SDHAF4: variants seen among roughly 807,000 people sequenced by gnomAD.
The protein encoded by SDHAF4 is succinate dehydrogenase assembly factor 4, mitochondrial.
A neutral mutation model predicts 14.3 loss-of-function variants in SDHAF4; 14 were observed. The ratio of observed to expected loss-of-function variants is 0.98; its 90% CI spans 0.65 to 1.53. The LOEUF (loss-of-function observed/expected upper bound fraction) is 1.53, where lower values mean the gene tolerates loss of function less well. Ranked by LOEUF, SDHAF4 falls within the 40% of genes most tolerant of loss-of-function variation. SDHAF4 has a pLI of 0.00. For missense variants in SDHAF4, 141 were observed against 129.3 expected, an observed-to-expected ratio of 1.09 and a Z score of -0.44; for synonymous variants, 63 against 47.3, an observed-to-expected ratio of 1.33 and a Z score of -1.36.
At position 70,572,635 on chromosome 6, in the gene SDHAF4, T is replaced by C. The variant is rs557725049; in HGVS notation, c.64+5631T>C. Among the ~76,000 whole-genome samples the C allele has an allele frequency of 7.9e-5, 12 of 152,244 alleles. No individual in the cohort carries two copies. In the East Asian group the frequency reaches 2.3e-3, roughly 29 times the overall value. On this transcript the variant is annotated intron_variant, in intron 1 of 2. Coordinates refer to ENST00000370474, the MANE Select transcript of SDHAF4 (RefSeq NM_145267.3). ...TCATTTTTTTCTTATTATCTTATTTTTCCATTTTCCGTGGTTTTTTTTTTA... is the reference window on the plus strand; with the variant it reads ...TCATTTTTTTCTTATTATCTTATTTCTCCATTTTCCGTGGTTTTTTTTTTA...
chr6:70,597,086 A>T, the SDHAF4 span: 7 of 152,218 alleles, frequency 4.6e-5, no homozygotes, highest in African/African-American at 1.7e-4. Flanking sequence ...ATCAGTGGTG[A>T]TTGCCTACTA....
chr6:70,587,654 C>T (rs565726023), intron 2 of SDHAF4, among the ~76,000 whole-genome samples: 11 of 152,272 alleles, frequency 7.2e-5, no homozygotes, highest in South Asian at 2.1e-4. Flanking sequence ...CTATGTGATA[C>T]GGAGCAACTT....
chr6:70,575,252 C>G (rs762106598), intron 1 of SDHAF4, among the ~76,000 whole-genome samples: 2 of 152,038 alleles, frequency 1.3e-5, no homozygotes, highest in Non-Finnish European at 2.9e-5. Context: ...TTGGTGGGTG[C>G]CTGTAATCCC....
Position 70,575,498 on chromosome 6 carries a change from C to T in SDHAF4, c.65-3916C>T, listed in dbSNP as rs1354237367. Among the ~76,000 whole-genome samples the T allele has an allele frequency of 2.0e-5, 3 of 147,126 alleles. No homozygotes were observed. In the East Asian group the frequency reaches 5.9e-4, roughly 29 times the overall value. On this transcript the variant is annotated intron_variant, in intron 1 of 2. Coordinates refer to ENST00000370474, the MANE Select transcript of SDHAF4 (RefSeq NM_145267.3). ...CTCTGTTCAAAAAAAAAAAAAAAGA[C>T]GCAATAAGTGTAGCCATTTCACTTT...
chr6:70,586,613 GAATA>G (rs1173552044), intron 2 of SDHAF4, among the ~76,000 whole-genome samples: 1 of 151,594 alleles, frequency 6.6e-6, no homozygotes, highest in Non-Finnish European at 1.5e-5. Context: ...ATGAGGATGA[GAATA>G]AATCTCTTCA....
chr6:70,569,553 A>C (rs1055159526), intron 1 of SDHAF4, among the ~76,000 whole-genome samples: 3 of 152,148 alleles, frequency 2.0e-5, no homozygotes, highest in Non-Finnish European at 4.4e-5. Flanking sequence ...CTTTTTTCTT[A>C]ACAGATTGCT....
At chr6:70,578,325 G>A (rs945633132) in intron 1 of SDHAF4, among the ~76,000 whole-genome samples, 1 of 152,238 alleles carries the variant, frequency 6.6e-6, no homozygotes, top group Non-Finnish European at 1.5e-5. Context: ...CTACCAATTC[G>A]TGATGTGGAG....
chr6:70,573,496 T>C (rs1238821701), intron 1 of SDHAF4, among the ~76,000 whole-genome samples: 1 of 151,628 alleles, frequency 6.6e-6, no homozygotes, highest in Non-Finnish European at 1.5e-5. Flanking sequence ...ACCCCTGACC[T>C]CAGGTGATCC....
intron 2 of SDHAF4, among the ~76,000 whole-genome samples, chr6:70,585,974 A>G (rs1369702533): frequency 2.0e-5 from 3 of 152,118 alleles, no homozygotes; most frequent in Admixed American, 1.3e-4. Context: ...GTCTTTTGTC[A>G]GTTGATTTTT....
chr6:70,575,071 G>A lies in SDHAF4; in HGVS notation c.65-4343G>A, dbSNP rs1283444548. ...CTGTCCTGAAAGCTCTGTATCCTAC[G>A]ATCTAGGCAAGAAAGACACAAGAAG... On this transcript the variant is annotated intron_variant, in intron 1 of 2. Transcript: ENST00000370474. 6.6e-5 allele frequency among the ~76,000 whole-genome samples: 10 copies of A among 152,132 alleles called. No homozygotes were observed. The East Asian group carries it at 1.7e-3, about 26-fold the overall frequency.
At chr6:70,595,835 C>CAAAAAAAAAAAAA in the SDHAF4 span, among the ~76,000 whole-genome samples, 4 of 98,698 alleles carry the variant, frequency 4.1e-5, no homozygotes, top group Non-Finnish European at 4.0e-5. Context: ...GACTCTATCT[C>CAAAAAAAAAAAAA]AAAAAAAAAA....
chr6:70,573,614 G>T (rs149196791), intron 1 of SDHAF4, among the ~76,000 whole-genome samples: 1 of 149,226 alleles, frequency 6.7e-6, no homozygotes, highest in Non-Finnish European at 1.5e-5. Flanking sequence ...CTGAATTTCC[G>T]TGTTTTTCTT....
intron 2 of SDHAF4, among the ~76,000 whole-genome samples, chr6:70,585,042 G>A (rs57563851): frequency 0.027 from 4,162 of 152,208 alleles, 141 homozygotes; most frequent in East Asian, 0.088. Flanking sequence ...ATGAGAGGCT[G>A]GAAATAGCAG....
intron 1 of SDHAF4, among the ~76,000 whole-genome samples, chr6:70,574,877 A>G (rs1802231494): frequency 6.6e-6 from 1 of 152,130 alleles, no homozygotes; most frequent in Admixed American, 6.6e-5. Context: ...ACTGTGAGCC[A>G]TGATTCTGCC....
At chr6:70,586,531 C>T (rs1245275162) in intron 2 of SDHAF4, among the ~76,000 whole-genome samples, 1 of 150,642 alleles carries the variant, frequency 6.6e-6, no homozygotes, top group Non-Finnish European at 1.5e-5. Context: ...CTCACCCCAC[C>T]TTTACATAGC....
intron 1 of SDHAF4, 127 bp downstream of exon 1, chr6:70,567,131 C>A: frequency 2.2e-6 from 2 of 921,110 alleles, no homozygotes; most frequent in Non-Finnish European, 3.2e-6. Flanking sequence ...GGCTGCCCAG[C>A]TTCTCCCGCC....
chr6:70,598,239 C>A, the SDHAF4 span, among the ~76,000 whole-genome samples: 1 of 152,074 alleles, frequency 6.6e-6, no homozygotes, highest in African/African-American at 2.4e-5. Context: ...AGTAGCCAGG[C>A]ATGCTGGCGG....
intron 1 of SDHAF4, among the ~76,000 whole-genome samples, chr6:70,579,003 A>G (rs1412223494): frequency 6.6e-6 from 1 of 152,198 alleles, no homozygotes; most frequent in African/African-American, 2.4e-5. Context: ...AAATTAGTTG[A>G]CAGGAAAAGA....
intron 2 of SDHAF4, among the ~76,000 whole-genome samples, chr6:70,580,110 T>G (rs1054305984): frequency 6.6e-6 from 1 of 152,084 alleles, no homozygotes; most frequent in African/African-American, 2.4e-5. Context: ...TGTGTGTGTG[T>G]AGAACTCCAG....
Sources: gnomAD v4.1 joint callset for allele counts (sites outside exome capture counted in the v4.1 genomes callset) on GRCh38, gnomAD v4.1.1 for gene constraint, MANE v1.5 for transcripts, NCBI Gene and HGNC (gene_info 2026-07-23, HGNC 2026-07-21) for gene names.